MAPT: variants seen among roughly 807,000 people sequenced by gnomAD.
MAPT encodes microtubule-associated protein tau.
A neutral mutation model predicts 67.9 loss-of-function variants in MAPT; 34 were observed. That is an observed-to-expected ratio of 0.50 (90% confidence interval 0.38 to 0.67). The LOEUF (loss-of-function observed/expected upper bound fraction) is 0.67, where lower values mean the gene tolerates loss of function less well. Ranked by LOEUF, MAPT falls within the 30% of genes least tolerant of loss-of-function variation. The pLI, the probability that MAPT is intolerant of heterozygous loss-of-function variation, is 0.00. For synonymous variants in MAPT, 456 were observed against 464.5 expected, an observed-to-expected ratio of 0.98 and a Z score of 0.23; for missense variants, 881 against 1,115.2, an observed-to-expected ratio of 0.79 and a Z score of 2.99.
chr17:45,905,882 G>T (rs983746856), intron 1 of MAPT, among the ~76,000 whole-genome samples: 2 of 152,246 alleles, frequency 1.3e-5, no homozygotes, highest in South Asian at 2.1e-4. Flanking sequence ...AGGGCTGGGG[G>T]ATGCCTCCCA....
rs1007350879 is a variant in MAPT at position 45,996,289 on chromosome 17, C to T, written c.1733-110C>T. On this transcript the variant is annotated intron_variant, in intron 8 of 12. Coordinates refer to ENST00000262410, the MANE Select transcript of MAPT (RefSeq NM_001377265.1). This position sits in a 1 kb window ranked among gnomAD's most constrained non-coding sequence, Gnocchi z 4.5. ...GCGCTTCCAACCTGGCTTCCACCTG[C>T]CTAACCCAGTGGTGAGCCTGGGAAT... 4.0e-6 allele frequency: 5 copies of T among 1,260,850 alleles called. No individual in the cohort carries two copies. The Admixed American group carries it at 5.2e-5, about 13-fold the overall frequency. The allele number at this position is 1,260,850 out of a possible 1,614,324, so 78.1% of individuals were successfully genotyped here.
At chr17:45,968,671 C>G (rs1013462477) in intron 2 of MAPT, among the ~76,000 whole-genome samples, 1 of 152,166 alleles carries the variant, frequency 6.6e-6, no homozygotes, top group African/African-American at 2.4e-5. Flanking sequence ...CTGCTAGGGG[C>G]CCTCCAGGAT....
At chr17:45,919,351 C>T (rs1010942308) in intron 1 of MAPT, among the ~76,000 whole-genome samples, 1 of 110,932 alleles carries the variant, frequency 9.0e-6, no homozygotes, top group African/African-American at 2.7e-5. Context: ...GGAAGGGGCG[C>T]CCCCCCCGCC....
At chr17:45,937,199 C>T (rs536542270) in intron 1 of MAPT, among the ~76,000 whole-genome samples, 20 of 152,282 alleles carry the variant, frequency 1.3e-4, no homozygotes, top group Admixed American at 4.6e-4. Flanking sequence ...CATAGAAGTA[C>T]CAGAGCTGTG....
chr17:45,996,381 C>CCCTT lies in MAPT; in HGVS notation c.1733-7_1733-4dup. The CCCTT allele has an allele frequency of 6.2e-7, 1 of 1,609,552 alleles. No individual in the cohort carries two copies. The highest frequency in any genetic ancestry group is 1.6e-4 in the Middle Eastern group (1 of 6,062). ...CACCCACTCGAGTCCTGGCTTCACTCCCTTCCTTCCTTCCCAGGTGAACCT... is the reference window on the plus strand; with the variant it reads ...CACCCACTCGAGTCCTGGCTTCACTCCCTTCCTTCCTTCCTTCCCAGGTGAACCT... On this transcript the variant is annotated splice_polypyrimidine_tract_variant and intron_variant, in intron 8 of 12. Coordinates refer to ENST00000262410, the MANE Select transcript of MAPT (RefSeq NM_001377265.1). The surrounding 1 kb of genome is among the most constrained non-coding windows in gnomAD (Gnocchi z 4.5).
chr17:45,964,275 G>A (rs1297644646), intron 2 of MAPT, among the ~76,000 whole-genome samples: 1 of 151,722 alleles, frequency 6.6e-6, no homozygotes, highest in Admixed American at 6.6e-5. Context: ...TGTTACATAT[G>A]TATACATGTG....
intron 8 of MAPT, among the ~76,000 whole-genome samples, chr17:45,994,506 C>T (rs79064880): frequency 0.017 from 2,627 of 152,164 alleles, 72 homozygotes; most frequent in African/African-American, 0.057. Context: ...TGCCACAGAG[C>T]GTACTACTTC....
chr17:45,980,851 G>C (rs1039648184), intron 4 of MAPT, among the ~76,000 whole-genome samples: 2 of 152,182 alleles, frequency 1.3e-5, no homozygotes, highest in African/African-American at 4.8e-5. Context: ...GCTCAGGGTT[G>C]CCTCTGGGCT....
At chr17:45,956,589 TATATA>T (rs1568231024) in intron 1 of MAPT, among the ~76,000 whole-genome samples, 34 of 23,588 alleles carry the variant, frequency 1.4e-3, no homozygotes, top group African/African-American at 3.9e-3. Context: ...TATATATATA[TATATA>T]TATATATTTT....
intron 1 of MAPT, among the ~76,000 whole-genome samples, chr17:45,928,005 A>G (rs1462221070): frequency 4.5e-5 from 5 of 110,982 alleles, no homozygotes; most frequent in Admixed American, 1.9e-4. Flanking sequence ...GTCTCAGGAA[A>G]AAAAAAAAAA....
At chr17:45,994,088 C>T in intron 8 of MAPT, 1 of 1,015,716 alleles carries the variant, frequency 9.8e-7, no homozygotes, top group Non-Finnish European at 1.4e-6. Context: ...AGGGTTCACA[C>T]AGGGTTCGCA....
chr17:46,007,167 T>C (rs74829364), intron 9 of MAPT, among the ~76,000 whole-genome samples: 21,755 of 151,782 alleles, frequency 0.14, 2,128 homozygotes, highest in Non-Finnish European at 0.22. Context: ...AATTAAAAAA[T>C]TATAAAACAA....
Position 45,974,564 on chromosome 17 carries a change from A to G in MAPT, c.220+2619A>G, listed in dbSNP as rs143627495. On this transcript the variant is annotated intron_variant, in intron 3 of 12. Transcript: ENST00000262410. ...AGAAGTGAGGGAGCTTTGCGTGTTT[A>G]TCCTCCTGTGGGGCAGGAACATGGG... The G allele has an allele frequency of 3.7e-3, 3,654 of 1,000,186 alleles. 20 individuals are homozygous for G. The highest frequency in any genetic ancestry group is 3.5e-3 in the Non-Finnish European group (2,313 of 654,308). 62.0% of individuals were successfully genotyped at this position (1,000,186 alleles called of 1,614,324 possible).
At chr17:45,989,388 C>T (rs1421938694) in intron 6 of MAPT, among the ~76,000 whole-genome samples, 1 of 152,118 alleles carries the variant, frequency 6.6e-6, no homozygotes, top group African/African-American at 2.4e-5. Context: ...CGGTGGCTCA[C>T]GCCTGTAATC....
chr17:46,006,979 T>TAAAATAAATA (rs1310892139), intron 9 of MAPT, among the ~76,000 whole-genome samples: 1 of 113,250 alleles, frequency 8.8e-6, no homozygotes, highest in Non-Finnish European at 2.2e-5. Flanking sequence ...TAAAATAAAA[T>TAAAATAAATA]AAATAAAATA....
At position 46,027,043 on chromosome 17, in the gene MAPT, T is replaced by TTCTC. The variant is rs1555727758; in HGVS notation, c.*2873_*2876dup. Reference sequence around the variant, plus strand: ...CCTGCCGTTCGCTGAGTCCCAGCAATTCTCCTAAGTTGAAGGGATCTGAGA... The same window carrying TTCTC: ...CCTGCCGTTCGCTGAGTCCCAGCAATTCTCTCTCCTAAGTTGAAGGGATCTGAGA... On this transcript the variant is annotated 3_prime_UTR_variant, in exon 13 of 13. Transcript: ENST00000262410. 1 of 146,822 alleles carries TTCTC rather than the reference T, an allele frequency of 6.8e-6. No individual in the cohort carries two copies. The highest frequency in any genetic ancestry group is 2.4e-5 in the African/African-American group (1 of 41,292). 9.1% of individuals were successfully genotyped at this position (146,822 alleles called of 1,614,324 possible). A position where few individuals can be genotyped will look rare whatever the true frequency, so the allele number is the denominator to read the frequency against.
chr17:45,957,645 G>T (rs1035971133), intron 1 of MAPT, among the ~76,000 whole-genome samples: 3 of 152,314 alleles, frequency 2.0e-5, no homozygotes, highest in Non-Finnish European at 4.4e-5. Context: ...TCACAAAAGC[G>T]ACATAAAGCC....
chr17:45,905,016 G>T (rs2064205230), intron 1 of MAPT, among the ~76,000 whole-genome samples: 1 of 152,100 alleles, frequency 6.6e-6, no homozygotes, highest in Non-Finnish European at 1.5e-5. Context: ...AGAGTCATCA[G>T]CCCTCCCACC....
intron 6 of MAPT, among the ~76,000 whole-genome samples, 191 bp from the exon 7 acceptor site, chr17:45,989,687 G>A (rs1439989684): frequency 6.6e-6 from 1 of 152,164 alleles, no homozygotes; most frequent in Non-Finnish European, 1.5e-5. Flanking sequence ...ACTGTGATTG[G>A]GGAGGACGGT....
Sources: gnomAD v4.1 joint callset for allele counts (sites outside exome capture counted in the v4.1 genomes callset) on GRCh38, gnomAD v4.1.1 for gene constraint, Gnocchi (gnomAD v3.1) non-coding constraint, MANE v1.5 for transcripts, NCBI Gene and HGNC (gene_info 2026-07-23, HGNC 2026-07-21) for gene names.